The following ANK1 variants were observed in gnomAD, a reference collection of about 807,000 sequenced individuals.
The protein encoded by ANK1 is ankyrin 1, also known as ankyrin-1.
A neutral mutation model predicts 210.4 loss-of-function variants in ANK1; 51 were observed. That is an observed-to-expected ratio of 0.24 (90% CI 0.19 to 0.31). ANK1 has a LOEUF of 0.31. ANK1 is among the 10% of genes least tolerant of loss of function. The pLI is 1.00. For synonymous variants in ANK1, 967 were observed against 1,025.9 expected (o/e 0.94, Z 1.10); for missense variants, 2,051 against 2,504.4 (o/e 0.82, Z 3.86).
At chr8:41,762,118 C>T (rs929653751) in intron 1 of ANK1, among the ~76,000 whole-genome samples, 10 of 152,338 alleles carry the variant, frequency 6.6e-5, no homozygotes, top group South Asian at 2.1e-4. Flanking sequence ...ACACTCATCT[C>T]GCTGTCCCCA....
intron 1 of ANK1, among the ~76,000 whole-genome samples, chr8:41,804,981 A>G (rs754544096): frequency 1.3e-5 from 2 of 152,170 alleles, no homozygotes; most frequent in African/African-American, 2.4e-5. Flanking sequence ...ATAGTGTTGA[A>G]TGGAACTCAA....
chr8:41,717,746 G>A (rs778409826), intron 11 of ANK1, 44 bp from the exon 12 acceptor site: 59 of 1,463,122 alleles, frequency 4.0e-5, no homozygotes, highest in South Asian at 2.9e-4. Context: ...GAGTCTTTCC[G>A]CTCCCCTGAA....
At chr8:41,852,883 T>C (rs1000251641) in intron 1 of ANK1, among the ~76,000 whole-genome samples, 6 of 152,222 alleles carry the variant, frequency 3.9e-5, no homozygotes, top group Non-Finnish European at 5.9e-5. Flanking sequence ...TCTGAGACTC[T>C]GCCACGTTTG....
chr8:41,669,747 G>A (rs933586685), intron 38 of ANK1, among the ~76,000 whole-genome samples: 4 of 152,118 alleles, frequency 2.6e-5, no homozygotes, highest in African/African-American at 9.7e-5. Context: ...CACGGCCACC[G>A]CTGCCGTCCC....
In ANK1 at chr8:41,684,694, T is replaced by C. The variant is rs749114117; in HGVS notation, c.4391-4A>G. Reference sequence around the variant, plus strand: ...AGGGCTGTGTACAGATTCTCCACTGTGGGCGCAGAAGAGAGATGCACGTTA... The same window carrying C: ...AGGGCTGTGTACAGATTCTCCACTGCGGGCGCAGAAGAGAGATGCACGTTA... On this transcript the variant is annotated splice_polypyrimidine_tract_variant and splice_region_variant and intron_variant, in intron 36 of 42. Coordinates refer to ENST00000289734, the MANE Select transcript of ANK1 (RefSeq NM_000037.4). The C allele has an allele frequency of 6.2e-7, 1 of 1,613,486 alleles. No homozygotes were observed. The highest frequency in any genetic ancestry group is 8.5e-7 in the Non-Finnish European group (1 of 1,179,868).
In ANK1 at chr8:41,716,981, T is replaced by C; in HGVS notation, c.1376A>G (p.Asn459Ser). Reference protein sequence around the residue: ...HTEVAKYLLQNKAKVNAKAKD... With the variant: ...HTEVAKYLLQSKAKVNAKAKD... ...GGCCTTGGCATTGACTTTGGCTTTG[T>C]TCTGGAGTAAATATTTGGCCACTTC... The change falls in exon 13 of 43, where the codon AAC becomes AGC. Residue 459 changes from asparagine (N) to serine (S), a missense_variant. Coordinates refer to ENST00000289734, the MANE Select transcript of ANK1 (RefSeq NM_000037.4). 6.2e-7 allele frequency: 1 copy of C among 1,614,218 alleles called. No homozygotes were observed. The highest frequency in any genetic ancestry group is 8.5e-7 in the Non-Finnish European group (1 of 1,180,038).
chr8:41,884,754 C>G (rs972654945), intron 1 of ANK1, among the ~76,000 whole-genome samples: 14 of 152,098 alleles, frequency 9.2e-5, no homozygotes, highest in African/African-American at 3.4e-4. Context: ...ATCGTTTGAG[C>G]CCAGGAGTTC....
At chr8:41,771,492 A>G (rs1270285598) in intron 1 of ANK1, among the ~76,000 whole-genome samples, 2 of 152,230 alleles carry the variant, frequency 1.3e-5, no homozygotes, top group African/African-American at 2.4e-5. Flanking sequence ...GTAGGCATTT[A>G]GTGTGCTAAG....
chr8:41,694,700 G>A lies in ANK1; in HGVS notation c.3219C>T (p.Tyr1073=), dbSNP rs763894962. ...FVIMSRLCQD[Y]DTIGPEGGSL... ...AGCCCCCTTCGGGACCGATGGTGTC[G>A]TAGTCCTGGCAGAGCCGTGACATGA... Residue 1073 remains tyrosine, a synonymous_variant, in exon 28 of 43, where the codon TAC becomes TAT. Transcript: ENST00000289734. This position sits in a 1 kb window ranked among gnomAD's most constrained non-coding sequence, Gnocchi z 5.7. 6 of 1,614,148 alleles carry A rather than the reference G, an allele frequency of 3.7e-6. No individual in the cohort carries two copies. Among genetic ancestry groups the A allele is most frequent in the South Asian group, 2.2e-5 (2 of 91,082 alleles).
At chr8:41,887,587 A>G (rs894276194) in intron 1 of ANK1, among the ~76,000 whole-genome samples, 1 of 152,144 alleles carries the variant, frequency 6.6e-6, no homozygotes, top group Admixed American at 6.5e-5. Flanking sequence ...AAAATACAGA[A>G]AAGGATAAAA....
chr8:41,682,772 C>T (rs1191475679), intron 37 of ANK1, among the ~76,000 whole-genome samples: 1 of 152,216 alleles, frequency 6.6e-6, no homozygotes, highest in Non-Finnish European at 1.5e-5. Context: ...TTAATCAGGG[C>T]ACAGGAAATC....
intron 1 of ANK1, among the ~76,000 whole-genome samples, chr8:41,827,252 T>C (rs544108656): frequency 9.2e-5 from 14 of 152,358 alleles, no homozygotes; most frequent in African/African-American, 3.1e-4. Flanking sequence ...CATCTAATGG[T>C]AGCAACACTT....
intron 1 of ANK1, among the ~76,000 whole-genome samples, chr8:41,803,095 A>AAGGGAAGGGAAGGG (rs1563811383): frequency 7.8e-5 from 4 of 50,976 alleles, no homozygotes; most frequent in Middle Eastern, 7.7e-3. Context: ...GAAGGAAAGG[A>AAGGGAAGGGAAGGG]AAGGAAAGGA....
Position 41,718,120 on chromosome 8 carries a change from C to A in ANK1, c.1192G>T (p.Asp398Tyr). 1 of 1,613,920 alleles carries A rather than the reference C, an allele frequency of 6.2e-7. No homozygotes were observed. The highest frequency in any genetic ancestry group is 8.5e-7 in the Non-Finnish European group (1 of 1,179,972). ...ELLLKTGASI[D>Y]AVTESGLTPL... ...GTCTCTCCTACCTCGGTGACCGCGT[C>A]GATCGAGGCTCCCGTCTTCAGCAGC... The change falls in exon 11 of 43, where the codon GAC becomes TAC. Residue 398 changes from aspartate (D) to tyrosine (Y), a missense_variant. Physicochemically the swap from Asp to Tyr is radical, Grantham distance 160. Transcript: ENST00000289734.
chr8:41,859,017 A>G (rs1812735053), intron 1 of ANK1, among the ~76,000 whole-genome samples: 1 of 152,132 alleles, frequency 6.6e-6, no homozygotes, highest in Non-Finnish European at 1.5e-5. Context: ...TTAGTTGCTG[A>G]CCCCACCAGG....
chr8:41,849,152 A>G (rs981780731), intron 1 of ANK1, among the ~76,000 whole-genome samples: 2 of 152,242 alleles, frequency 1.3e-5, no homozygotes, highest in Non-Finnish European at 2.9e-5. Flanking sequence ...GGAGGGGCTC[A>G]CTTCATATCC....
At chr8:41,662,115 G>T (rs563763074) in intron 40 of ANK1, among the ~76,000 whole-genome samples, 174 bp from the exon 41 acceptor site, 1 of 152,142 alleles carries the variant, frequency 6.6e-6, no homozygotes, top group Admixed American at 6.5e-5. Flanking sequence ...AAATTAGCCC[G>T]GTGTGGTGGC....
At chr8:41,663,527 G>A (rs866118437) in intron 40 of ANK1, 132 bp downstream of exon 40, 26 of 870,626 alleles carry the variant, frequency 3.0e-5, no homozygotes, top group Middle Eastern at 3.3e-4. Context: ...TCCCTCCTGA[G>A]CACGGGGGCA....
intron 1 of ANK1, among the ~76,000 whole-genome samples, chr8:41,762,515 T>C (rs1177524601): frequency 6.6e-6 from 1 of 152,212 alleles, no homozygotes; most frequent in East Asian, 1.9e-4. Context: ...AAGTGTCTGC[T>C]AGGGCGAGGC....
Sources: gnomAD v4.1 joint callset for allele counts (sites outside exome capture counted in the v4.1 genomes callset) on GRCh38, gnomAD v4.1.1 for gene constraint, Gnocchi (gnomAD v3.1) non-coding constraint, MANE v1.5 for transcripts, NCBI Gene and HGNC (gene_info 2026-07-23, HGNC 2026-07-21) for gene names.